Variants in ZSCAN5A observed in about 807,000 individuals in gnomAD.
ZSCAN5A encodes zinc finger and SCAN domain-containing protein 5A.
ZSCAN5A carries 12 observed loss-of-function variants against 23.7 expected under a neutral mutation model. The observed-to-expected ratio is 0.51, with a 90% CI of 0.32 to 0.82. ZSCAN5A has a LOEUF of 0.82. Ranked by LOEUF, ZSCAN5A falls within the 40% of genes least tolerant of loss-of-function variation. The probability of loss-of-function intolerance (pLI) is 0.03; values close to 1 mark genes in which losing one functional copy is unlikely to be tolerated. For synonymous variants in ZSCAN5A, 257 were observed against 239.9 expected (o/e 1.07, Z -0.66); for missense variants, 597 against 617.9 (o/e 0.97, Z 0.36).
Position 56,246,738 on chromosome 19 carries a change from G to C in ZSCAN5A, c.-127-21565C>G, listed in dbSNP as rs113308568. The C allele has an allele frequency of 6.8e-4, 933 of 1,375,260 alleles. 5 individuals are homozygous for C. In the African/African-American group the frequency reaches 0.012, roughly 17 times the overall value. 85.2% of individuals were successfully genotyped at this position (1,375,260 alleles called of 1,614,324 possible). A position where few individuals can be genotyped will look rare whatever the true frequency, so the allele number is the denominator to read the frequency against. On this transcript the variant is annotated intron_variant, in intron 2 of 5. Coordinates refer to ENST00000683990, the MANE Select transcript of ZSCAN5A (RefSeq NM_001322064.3). ...TGGAATCCCTTCTTCCAGCAGGTGT[G>C]GTGGGAGCAAAGGAGGGGAAGGAAC...
At chr19:56,359,028 A>G (rs539311795) in intron 2 of ZSCAN5A, among the ~76,000 whole-genome samples, 2 of 152,210 alleles carry the variant, frequency 1.3e-5, no homozygotes, top group South Asian at 4.1e-4. Context: ...GAGAACCAAG[A>G]GCAAATAAAT....
chr19:56,367,128 T>C (rs2041773392), intron 1 of ZSCAN5A: 1 of 152,090 alleles, frequency 6.6e-6, no homozygotes, highest in Non-Finnish European at 1.5e-5. Context: ...GGGAGGTCAA[T>C]GTGGGAGGAT....
chr19:56,333,085 T>C (rs548951717), intron 2 of ZSCAN5A, among the ~76,000 whole-genome samples: 1 of 152,208 alleles, frequency 6.6e-6, no homozygotes, highest in Non-Finnish European at 1.5e-5. Context: ...TAGCTGTCTT[T>C]AAGATTTTTT....
chr19:56,230,613 T>A (rs2034372783), intron 2 of ZSCAN5A, among the ~76,000 whole-genome samples: 2 of 108,044 alleles, frequency 1.9e-5, no homozygotes, highest in Admixed American at 1.0e-4. Context: ...TTTTATTTCT[T>A]GATGTGTGTG....
chr19:56,280,802 CT>C (rs2038635102), intron 2 of ZSCAN5A: 1 of 152,146 alleles, frequency 6.6e-6, no homozygotes, highest in Admixed American at 6.5e-5. Context: ...AAGTTGAGCC[CT>C]TGTGACCTAA....
intron 2 of ZSCAN5A, among the ~76,000 whole-genome samples, chr19:56,293,225 A>C (rs532977515): frequency 6.6e-6 from 1 of 152,320 alleles, no homozygotes; most frequent in South Asian, 2.1e-4. Flanking sequence ...TGCTTGACTC[A>C]TGACAGTCCC....
intron 2 of ZSCAN5A, among the ~76,000 whole-genome samples, chr19:56,323,632 G>A (rs2041404287): frequency 6.6e-6 from 1 of 151,368 alleles, no homozygotes; most frequent in African/African-American, 2.4e-5. Context: ...CGCCTCCCGG[G>A]TTCAAGCGAT....
chr19:56,223,413 C>T lies in ZSCAN5A; in HGVS notation c.588+218G>A, dbSNP rs536005229. Among the ~76,000 whole-genome samples the T allele has an allele frequency of 2.6e-5, 4 of 152,320 alleles. No homozygotes were observed. The South Asian group carries it at 8.3e-4, about 32-fold the overall frequency. ...TTCACTGAGATCATTTCTTATGCCC[C>T]ACCCTAAATGCTAAAAGCTCTCATG... On this transcript the variant is annotated intron_variant, in intron 4 of 5. Coordinates refer to ENST00000683990, the MANE Select transcript of ZSCAN5A (RefSeq NM_001322064.3).
At chr19:56,362,870 C>CA (rs569648990) in intron 2 of ZSCAN5A, among the ~76,000 whole-genome samples, 2,298 of 79,578 alleles carry the variant, frequency 0.029, 17 homozygotes, top group Middle Eastern at 0.068. Flanking sequence ...GACTCTGCCT[C>CA]AAAAAAAAAA....
At chr19:56,272,828 C>A in intron 2 of ZSCAN5A, 4 of 982,494 alleles carry the variant, frequency 4.1e-6, no homozygotes, top group Middle Eastern at 5.2e-4. Flanking sequence ...CAAATCCCAG[C>A]CCCATCATGC....
At chr19:56,233,199 G>C (rs975976170) in intron 2 of ZSCAN5A, among the ~76,000 whole-genome samples, 4 of 152,098 alleles carry the variant, frequency 2.6e-5, no homozygotes. Context: ...AATGGGTCAA[G>C]TTTTTACATT....
At chr19:56,368,071 C>CTT (rs2041784904) in intron 1 of ZSCAN5A, 1 of 152,376 alleles carries the variant, frequency 6.6e-6, no homozygotes, top group Admixed American at 6.5e-5. Flanking sequence ...TGCGCAGGCG[C>CTT]AGCGTTCTCA....
chr19:56,224,124 T>A (rs2033640411), intron 3 of ZSCAN5A, among the ~76,000 whole-genome samples: 2 of 151,780 alleles, frequency 1.3e-5, no homozygotes, highest in Admixed American at 1.3e-4. Context: ...TCTGGGTGAA[T>A]CCAACTCAAT....
intron 2 of ZSCAN5A, among the ~76,000 whole-genome samples, chr19:56,263,063 C>T (rs1412901925): frequency 1.3e-5 from 2 of 152,208 alleles, no homozygotes; most frequent in African/African-American, 2.4e-5. Context: ...CTCACATGCA[C>T]ATCTGAATGA....
intron 2 of ZSCAN5A, among the ~76,000 whole-genome samples, chr19:56,291,671 G>C (rs1053477411): frequency 3.3e-5 from 5 of 151,882 alleles, no homozygotes; most frequent in Admixed American, 3.3e-4. Context: ...CTTCTGTTTT[G>C]CTCCTGTTCT....
intron 2 of ZSCAN5A, among the ~76,000 whole-genome samples, chr19:56,346,338 GC>G (rs1391738859): frequency 3.3e-5 from 5 of 152,048 alleles, no homozygotes; most frequent in African/African-American, 1.2e-4. Flanking sequence ...CTTCTCTTTG[GC>G]CAAGACAATC....
intron 2 of ZSCAN5A, among the ~76,000 whole-genome samples, chr19:56,241,610 C>G (rs1027345215): frequency 6.6e-6 from 1 of 152,110 alleles, no homozygotes; most frequent in African/African-American, 2.4e-5. Flanking sequence ...TGATTGAAAT[C>G]TACTCTTTTA....
At chr19:56,287,570 T>C (rs1173705817) in intron 2 of ZSCAN5A, among the ~76,000 whole-genome samples, 1 of 152,156 alleles carries the variant, frequency 6.6e-6, no homozygotes. Context: ...CCGGACTTTA[T>C]AAAAAGCAAA....
intron 2 of ZSCAN5A, chr19:56,347,791 G>C (rs1449960311): frequency 6.6e-6 from 1 of 152,274 alleles, no homozygotes; most frequent in African/African-American, 2.4e-5. Context: ...ACCTTAGAGA[G>C]CCTCCTGAAA....
Sources: gnomAD v4.1 joint callset for allele counts (sites outside exome capture counted in the v4.1 genomes callset) on GRCh38, gnomAD v4.1.1 for gene constraint, MANE v1.5 for transcripts, NCBI Gene and HGNC (gene_info 2026-07-23, HGNC 2026-07-21) for gene names.